The following LRP4 variants were observed in gnomAD, a reference collection of about 807,000 sequenced individuals.
The protein encoded by LRP4 is low-density lipoprotein receptor-related protein 4.
LRP4 carries 95 observed loss-of-function variants against 220.3 expected under a neutral mutation model. The ratio of observed to expected loss-of-function variants is 0.43; its 90% CI spans 0.37 to 0.51. The LOEUF (loss-of-function observed/expected upper bound fraction) is 0.51, where lower values mean the gene tolerates loss of function less well. Among genes scored for constraint, LRP4 ranks in the 20% least tolerant of loss-of-function variants. LRP4 has a pLI of 0.00. For missense variants in LRP4, 1,925 were observed against 2,567.0 expected (o/e 0.75, Z 5.40); for synonymous variants, 903 against 954.6 (o/e 0.95, Z 1.00).
intron 16 of LRP4, among the ~76,000 whole-genome samples, chr11:46,888,573 A>AAAAAAAAAAAT (rs1565792099): frequency 2.0e-5 from 3 of 150,102 alleles, no homozygotes; most frequent in Non-Finnish European, 4.4e-5. Context: ...AAAAAAAAAA[A>AAAAAAAAAAAT]GAATGCAAGG....
At chr11:46,871,417 G>T in intron 31 of LRP4, 108 bp downstream of exon 31, 1 of 834,250 alleles carries the variant, frequency 1.2e-6, no homozygotes, top group Non-Finnish European at 2.0e-6. Flanking sequence ...AAAATGAGCT[G>T]CAATAGCACG....
intron 7 of LRP4, 125 bp from the exon 8 acceptor site, chr11:46,897,119 A>C (rs1941549909): frequency 3.2e-6 from 4 of 1,242,812 alleles, no homozygotes; most frequent in Non-Finnish European, 4.6e-6. Context: ...CAGCTGGTCT[A>C]TATAGTGTCT....
At chr11:46,872,023 C>T (rs1474904858) in intron 30 of LRP4, among the ~76,000 whole-genome samples, 4 of 152,062 alleles carry the variant, frequency 2.6e-5, no homozygotes, top group African/African-American at 4.8e-5. Context: ...TTTGGGAGGC[C>T]GAGGCGGGGG....
At position 46,858,784 on chromosome 11, in the gene LRP4, G is replaced by A; in HGVS notation, c.*199C>T. 1.6e-6 allele frequency: 1 copy of A among 639,440 alleles called. No homozygotes were observed. The highest frequency in any genetic ancestry group is 2.8e-5 in the East Asian group (1 of 36,098). The allele number at this position is 639,440 out of a possible 1,614,324, so 39.6% of individuals were successfully genotyped here. A position where few individuals can be genotyped will look rare whatever the true frequency, so the allele number is the denominator to read the frequency against. On this transcript the variant is annotated 3_prime_UTR_variant, in exon 38 of 38. Coordinates refer to ENST00000378623, the MANE Select transcript of LRP4 (RefSeq NM_002334.4). ...GTAAAATCCAGGTCTAAATTCTCGT[G>A]ATGTGCCATCATTTCTTGTGCACAG...
intron 37 of LRP4, among the ~76,000 whole-genome samples, chr11:46,861,411 A>G (rs1940544023): frequency 6.6e-6 from 1 of 152,132 alleles, no homozygotes; most frequent in African/African-American, 2.4e-5. Flanking sequence ...GGATCTTCAT[A>G]AGGAATAACT....
intron 1 of LRP4, among the ~76,000 whole-genome samples, chr11:46,905,836 G>A (rs1358101121): frequency 6.8e-6 from 1 of 147,832 alleles, no homozygotes; most frequent in Non-Finnish European, 1.5e-5. Context: ...TGGGCAACAG[G>A]AGCGAAACTC....
chr11:46,874,907 G>A lies in LRP4; in HGVS notation c.4122C>T (p.His1374=). ...CAGGAACAGGGACATGCACATCGGT[G>A]TGGTCACTGGTGTCCAGTGAGATAC... ...IRRISLDTSD[H]TDVHVPVPEL... The change falls in exon 28 of 38, where the codon CAC becomes CAT. Residue 1374 remains histidine, a synonymous_variant. Coordinates refer to ENST00000378623, the MANE Select transcript of LRP4 (RefSeq NM_002334.4). 1 of 1,614,168 alleles carries A rather than the reference G, an allele frequency of 6.2e-7. No individual in the cohort carries two copies.
At chr11:46,876,931 C>A in intron 23 of LRP4, 101 bp from the exon 24 acceptor site, 1 of 999,608 alleles carries the variant, frequency 1.0e-6, no homozygotes, top group Non-Finnish European at 1.6e-6. Context: ...TCAGAGAGCT[C>A]TGGAGCCTCT....
intron 1 of LRP4, among the ~76,000 whole-genome samples, chr11:46,904,103 C>T (rs1187724457): frequency 6.6e-6 from 1 of 152,238 alleles, no homozygotes; most frequent in Non-Finnish European, 1.5e-5. Context: ...ACCCGCTGGG[C>T]TGCTCTGCTC....
At chr11:46,877,145 A>T (rs1941041369) in intron 23 of LRP4, 54 bp downstream of exon 23, 3 of 1,599,212 alleles carry the variant, frequency 1.9e-6, no homozygotes, top group South Asian at 2.2e-5. Context: ...GAAAGACAGT[A>T]ATTGTTGAAG....
chr11:46,874,083 G>C (rs1463174186), intron 28 of LRP4: 3 of 175,536 alleles, frequency 1.7e-5, no homozygotes, highest in African/African-American at 7.2e-5. Flanking sequence ...TGGGATTATA[G>C]GCGCGAGCTA....
intron 1 of LRP4, among the ~76,000 whole-genome samples, chr11:46,912,958 T>G (rs1359601691): frequency 6.6e-6 from 1 of 152,112 alleles, no homozygotes; most frequent in Non-Finnish European, 1.5e-5. Flanking sequence ...CGGCTCTGCT[T>G]GCCGCTCTGA....
At chr11:46,886,292 T>G in intron 17 of LRP4, 33 bp downstream of exon 17, 1 of 1,596,000 alleles carries the variant, frequency 6.3e-7, no homozygotes. Flanking sequence ...GAGGGTGGAT[T>G]CCACCCTTCA....
intron 17 of LRP4, 48 bp downstream of exon 17, chr11:46,886,277 C>A: frequency 6.3e-7 from 1 of 1,599,050 alleles, no homozygotes; most frequent in Non-Finnish European, 8.5e-7. Flanking sequence ...AAGCCCTTCC[C>A]TGGAGAGGGT....
At chr11:46,898,468 G>A (rs1941589589) in intron 7 of LRP4, 90 bp downstream of exon 7, 2 of 1,575,336 alleles carry the variant, frequency 1.3e-6, no homozygotes, top group Non-Finnish European at 8.7e-7. Context: ...TTATAAGCAT[G>A]AGCCACCGCG....
chr11:46,898,776 C>T (rs1418320219), intron 6 of LRP4, 99 bp from the exon 7 acceptor site: 2 of 1,604,150 alleles, frequency 1.2e-6, no homozygotes, highest in Admixed American at 3.3e-5. Context: ...TCCATCTCTT[C>T]CCAAGAGGGA....
rs1565782733 is a variant in LRP4 at position 46,875,586 on chromosome 11, G to A, written c.3795C>T (p.Ile1265=). The part of the protein sequence containing the change: ...PYGLTLLDSY[I]YWTDWQTRSI... The stretch of plus-strand genomic sequence containing the variant: ...TCCGAGTCTGCCAGTCAGTCCAGTA[G>A]ATATAGGAGTCGAGCAGGGTGAGGC... The change falls in exon 27 of 38, where the codon ATC becomes ATT. Residue 1265 remains isoleucine, a synonymous_variant. Coordinates refer to ENST00000378623, the MANE Select transcript of LRP4 (RefSeq NM_002334.4). The surrounding 1 kb of genome is among the most constrained non-coding windows in gnomAD (Gnocchi z 4.5). The A allele has an allele frequency of 6.2e-7, 1 of 1,614,070 alleles. No homozygotes were observed. The highest frequency in any genetic ancestry group is 8.5e-7 in the Non-Finnish European group (1 of 1,180,032).
chr11:46,886,489 G>A lies in LRP4; in HGVS notation c.2260C>T (p.Arg754Ter), dbSNP rs1565790767. ...AGGTCCTCTGTGTCAAAGCTGATTC[G>A]ACGGATGTCCATCCTTCGGGCAAAA... ...LLFARRMDIR[R>*]ISFDTEDLSD... Residue 754 changes from arginine to a stop codon, truncating the protein, a stop_gained, in exon 17 of 38, where the codon CGA (arginine) becomes TGA (stop). Coordinates refer to ENST00000378623, the MANE Select transcript of LRP4 (RefSeq NM_002334.4). LOFTEE classifies it high-confidence loss of function. 3 of 1,614,120 alleles carry A rather than the reference G, an allele frequency of 1.9e-6. No individual in the cohort carries two copies. Among genetic ancestry groups the A allele is most frequent in the Non-Finnish European group, 2.5e-6 (3 of 1,180,018 alleles).
Position 46,869,013 on chromosome 11 carries a change from G to C in LRP4, c.4812C>G (p.Ile1604Met). The C allele has an allele frequency of 6.2e-7, 1 of 1,614,152 alleles. No homozygotes were observed. The highest frequency in any genetic ancestry group is 8.5e-7 in the Non-Finnish European group (1 of 1,180,030). ...CTGTCTGCCGCTGAGGGGAAACCAC[G>C]ATGATATCCATGAGTCCTTCCACAT... ...LANVEGLMDI[I>M]VVSPQRQTGT... Residue 1604 changes from isoleucine to methionine, a missense_variant, in exon 32 of 38, where the codon ATC becomes ATG. Physicochemically the swap from Ile to Met is conservative, Grantham distance 10. Transcript: ENST00000378623.
Sources: allele counts gnomAD v4.1 joint callset (sites outside exome capture counted in the v4.1 genomes callset), GRCh38; gene constraint gnomAD v4.1.1; non-coding constraint Gnocchi (gnomAD v3.1); transcripts MANE v1.5; gene names NCBI Gene and HGNC (gene_info 2026-07-23, HGNC 2026-07-21).